The following PCDH15 variants were observed in gnomAD, a reference collection of about 807,000 sequenced individuals.
PCDH15 encodes the protein protocadherin-15.
In PCDH15, 129 loss-of-function variants were observed where a neutral mutation model predicts 178.5. The observed-to-expected ratio is 0.72, with a 90% CI of 0.63 to 0.84. PCDH15 has a LOEUF of 0.84. PCDH15 is among the 40% of genes least tolerant of loss of function. PCDH15 has a pLI of 0.00. For synonymous variants in PCDH15, 800 were observed against 732.0 expected (o/e 1.09, Z -1.50); for missense variants, 2,230 against 2,099.9 (o/e 1.06, Z -1.21).
chr10:53,824,840 A>G (rs1343434076), intron 32 of PCDH15, among the ~76,000 whole-genome samples: 1 of 152,020 alleles, frequency 6.6e-6, no homozygotes, highest in Non-Finnish European at 1.5e-5. Context: ...ATAGATTTGT[A>G]AATTTTAAGT....
chr10:54,059,278 CTTAT>C lies in PCDH15; in HGVS notation c.2220+7475_2220+7478del, dbSNP rs374123860. ...ACATGAACATTTGACAAGAAATTGACTTATTTATTATTGTTATGTAAAGTAACTA... is the reference window on the plus strand; with the variant it reads ...ACATGAACATTTGACAAGAAATTGACTTATTATTGTTATGTAAAGTAACTA... On this transcript the variant is annotated intron_variant, in intron 18 of 37. Transcript: ENST00000644397. Among the ~76,000 whole-genome samples, 59 of 152,246 alleles carry C rather than the reference CTTAT, an allele frequency of 3.9e-4. No homozygotes were observed. The East Asian group carries it at 4.1e-3, about 10-fold the overall frequency.
intron 6 of PCDH15, among the ~76,000 whole-genome samples, chr10:54,344,693 A>G (rs2795928): frequency 0.44 from 66,395 of 151,448 alleles, 15,797 homozygotes; most frequent in African/African-American, 0.63. Context: ...AACAAAATAA[A>G]TGGTTTCAAA....
chr10:55,280,581 G>A (rs2132256940), intron 1 of PCDH15, among the ~76,000 whole-genome samples: 1 of 151,332 alleles, frequency 6.6e-6, no homozygotes, highest in South Asian at 2.1e-4. Flanking sequence ...GAGCCACCGT[G>A]CCAGGCCTGT....
chr10:54,865,870 A>T (rs1953930477), intron 3 of PCDH15, among the ~76,000 whole-genome samples: 1 of 152,216 alleles, frequency 6.6e-6, no homozygotes, highest in African/African-American at 2.4e-5. Flanking sequence ...ATTCTGAAAT[A>T]ATCAATTAGG....
At chr10:54,696,194 G>A (rs1327983626) in intron 1 of PCDH15, among the ~76,000 whole-genome samples, 1 of 152,052 alleles carries the variant, frequency 6.6e-6, no homozygotes, top group Admixed American at 6.6e-5. Context: ...TTTATCAGGA[G>A]TTTGGAAGAA....
At chr10:54,516,748 C>A (rs1221553653) in intron 3 of PCDH15, among the ~76,000 whole-genome samples, 2 of 151,806 alleles carry the variant, frequency 1.3e-5, no homozygotes, top group African/African-American at 4.8e-5. Flanking sequence ...AACTCCAAGA[C>A]ACATAATTGT....
rs1842921100 is a variant in PCDH15 at position 55,595,535 on chromosome 10, G to A, written c.-156+32090C>T. ...CACTGGGCCAAGGACCCAGACATCA[G>A]TATTTTTAAAAACTATGGAGGAATA... On this transcript the variant is annotated intron_variant, in intron 2 of 5. Transcript: ENST00000613346. 2.6e-5 allele frequency among the ~76,000 whole-genome samples: 4 copies of A among 152,038 alleles called. No homozygotes were observed. In the South Asian group the frequency reaches 6.2e-4, roughly 24 times the overall value.
At chr10:54,728,365 A>C (rs1005608047) in intron 1 of PCDH15, among the ~76,000 whole-genome samples, 1 of 151,584 alleles carries the variant, frequency 6.6e-6, no homozygotes, top group East Asian at 1.9e-4. Flanking sequence ...GACACAGAAA[A>C]GACTTTTGAT....
At chr10:54,318,938 C>CATGATGGA (rs1171516460) in intron 7 of PCDH15, among the ~76,000 whole-genome samples, 2 of 152,076 alleles carry the variant, frequency 1.3e-5, no homozygotes, top group Non-Finnish European at 2.9e-5. Context: ...GGAAGGAAAT[C>CATGATGGA]ATGATGGACA....
intron 15 of PCDH15, among the ~76,000 whole-genome samples, chr10:54,094,362 G>C (rs1444958531): frequency 6.6e-6 from 1 of 152,172 alleles, no homozygotes; most frequent in Non-Finnish European, 1.5e-5. Context: ...CATATATGGA[G>C]AGCAGGGTGA....
intron 14 of PCDH15, among the ~76,000 whole-genome samples, chr10:54,140,958 A>G (rs999088098): frequency 6.6e-6 from 1 of 152,148 alleles, no homozygotes; most frequent in African/African-American, 2.4e-5. Context: ...TTGGGATTAC[A>G]GGCATGAGCC....
At chr10:54,215,231 A>G (rs1372293760) in intron 9 of PCDH15, among the ~76,000 whole-genome samples, 3 of 152,184 alleles carry the variant, frequency 2.0e-5, no homozygotes, top group Admixed American at 2.0e-4. Context: ...AGCTTTTATT[A>G]AAAATCCAGG....
At chr10:54,721,977 TA>T (rs1451784504) in intron 1 of PCDH15, among the ~76,000 whole-genome samples, 1 of 151,812 alleles carries the variant, frequency 6.6e-6, no homozygotes, top group Non-Finnish European at 1.5e-5. Flanking sequence ...AACAAAATAC[TA>T]GCAAACCAAA....
At chr10:54,725,192 C>A (rs1942300268) in intron 1 of PCDH15, among the ~76,000 whole-genome samples, 2 of 151,134 alleles carry the variant, frequency 1.3e-5, no homozygotes, top group Non-Finnish European at 3.0e-5. Flanking sequence ...AATACTTTAA[C>A]CATTTCTTGC....
chr10:54,502,748 A>G (rs2080816084), intron 3 of PCDH15, among the ~76,000 whole-genome samples: 1 of 152,048 alleles, frequency 6.6e-6, no homozygotes, highest in Non-Finnish European at 1.5e-5. Flanking sequence ...TGCTTTATTG[A>G]TAGTTAAGCT....
intron 14 of PCDH15, among the ~76,000 whole-genome samples, chr10:54,137,770 T>C (rs73241712): frequency 0.015 from 2,350 of 152,296 alleles, 75 homozygotes; most frequent in African/African-American, 0.054. Flanking sequence ...ATCTTCTTCT[T>C]TGACAATTGT....
intron 1 of PCDH15, among the ~76,000 whole-genome samples, chr10:55,176,514 G>C (rs571303942): frequency 6.6e-6 from 1 of 152,052 alleles, no homozygotes; most frequent in Non-Finnish European, 1.5e-5. Flanking sequence ...CCAGAGACAA[G>C]ATCCCAAAAA....
At chr10:54,841,089 C>T (rs1953409846) in intron 3 of PCDH15, among the ~76,000 whole-genome samples, 1 of 151,774 alleles carries the variant, frequency 6.6e-6, no homozygotes, top group Non-Finnish European at 1.5e-5. Context: ...ATGCACAGAA[C>T]ATTCCACCCA....
chr10:54,576,454 A>G (rs2090491182), intron 2 of PCDH15, among the ~76,000 whole-genome samples: 1 of 152,238 alleles, frequency 6.6e-6, no homozygotes, highest in African/African-American at 2.4e-5. Flanking sequence ...CTGTAAATGA[A>G]AGACAAAGAT....
Sources: allele counts gnomAD v4.1 joint callset (sites outside exome capture counted in the v4.1 genomes callset), GRCh38; gene constraint gnomAD v4.1.1; transcripts MANE v1.5; gene names NCBI Gene and HGNC (gene_info 2026-07-23, HGNC 2026-07-21).